Variants in DICER1 observed in about 807,000 individuals in gnomAD.
DICER1 encodes the protein dicer 1, ribonuclease III.
In DICER1, 43 loss-of-function variants were observed where a neutral mutation model predicts 194.1. The ratio of observed to expected loss-of-function variants is 0.22; its 90% CI spans 0.17 to 0.29. DICER1 has a LOEUF of 0.29. DICER1 is among the 10% of genes least tolerant of loss of function. DICER1 has a pLI of 1.00. For synonymous variants in DICER1, 832 were observed against 820.5 expected (o/e 1.01, Z -0.24); for missense variants, 1,608 against 2,317.0 (o/e 0.69, Z 6.28).
Position 95,131,306 on chromosome 14 carries a change from T to A in DICER1, c.438+203A>T, listed in dbSNP as rs1292778367. Among the ~76,000 whole-genome samples, 9 of 152,282 alleles carry A rather than the reference T, an allele frequency of 5.9e-5. No individual in the cohort carries two copies. In the East Asian group the frequency reaches 1.5e-3, roughly 26 times the overall value. On this transcript the variant is annotated intron_variant, in intron 4 of 26. Transcript: ENST00000343455. ...TCCCAAAGTGCTGGGATTACAGACG[T>A]CAGCCACTGCATCCGGCCTTTATTT...
chr14:95,144,937 C>T (rs933249952), intron 1 of DICER1, among the ~76,000 whole-genome samples: 29 of 152,182 alleles, frequency 1.9e-4, no homozygotes, highest in African/African-American at 6.8e-4. Context: ...GATGAATCTG[C>T]ATAAACAAAC....
chr14:95,131,692 C>A, intron 3 of DICER1, 53 bp from the exon 4 acceptor site: 1 of 1,469,112 alleles, frequency 6.8e-7, no homozygotes, highest in Non-Finnish European at 9.5e-7. Flanking sequence ...GCCTAGTTGG[C>A]TCTCTGGACT....
At position 95,107,645 on chromosome 14, in the gene DICER1, T is replaced by G. The variant is rs1357513890; in HGVS notation, c.2767A>C (p.Lys923Gln). The change falls in exon 17 of 27, where the codon AAA becomes CAA. Residue 923 changes from lysine (K) to glutamine (Q), a missense_variant. Physicochemically the swap from Lys to Gln is moderately conservative, Grantham distance 53. Transcript: ENST00000343455. ...KYTKETPFVF[K>Q]LEDYQDAVII... Reference sequence around the variant, plus strand: ...ACGGCATCTTGGTAATCTTCTAATTTAAAAACAAAGGGTGTTTCTTTTGTA... The same window carrying G: ...ACGGCATCTTGGTAATCTTCTAATTGAAAAACAAAGGGTGTTTCTTTTGTA... 6.2e-7 allele frequency: 1 copy of G among 1,613,820 alleles called. No homozygotes were observed. Among genetic ancestry groups the G allele is most frequent in the Non-Finnish European group, 8.5e-7 (1 of 1,179,790 alleles).
chr14:95,155,599 G>T (rs1895800998), intron 1 of DICER1, among the ~76,000 whole-genome samples: 1 of 152,080 alleles, frequency 6.6e-6, no homozygotes, highest in African/African-American at 2.4e-5. Flanking sequence ...CAGCAGAGCA[G>T]TCAGGGCTTA....
chr14:95,105,274 T>TA lies in DICER1; in HGVS notation c.3094-29dup, dbSNP rs1566771756. On this transcript the variant is annotated intron_variant, in intron 19 of 26. Transcript: ENST00000343455. This position sits in a 1 kb window ranked among gnomAD's most constrained non-coding sequence, Gnocchi z 4.9. ...TCAAGTAAGGGGAAAAATGGACAGA[T>TA]AAATACAAAGCGCACACACAAAAGA... 6.3e-7 allele frequency: 1 copy of TA among 1,593,912 alleles called. No homozygotes were observed. The highest frequency in any genetic ancestry group is 8.6e-7 in the Non-Finnish European group (1 of 1,164,422).
intron 21 of DICER1, among the ~76,000 whole-genome samples, chr14:95,102,066 TA>T: frequency 6.6e-6 from 1 of 152,298 alleles, no homozygotes; most frequent in Admixed American, 6.5e-5. Context: ...TTATAAAAAT[TA>T]AATTAGGTTT....
chr14:95,156,743 C>T (rs1895899149), intron 1 of DICER1, among the ~76,000 whole-genome samples: 1 of 152,198 alleles, frequency 6.6e-6, no homozygotes, highest in Admixed American at 6.5e-5. Flanking sequence ...CAGGACCCTC[C>T]CGGGAGGGAC....
intron 14 of DICER1, among the ~76,000 whole-genome samples, chr14:95,110,149 C>A (rs1265463706): frequency 6.6e-6 from 1 of 151,940 alleles, no homozygotes; most frequent in East Asian, 1.9e-4. Flanking sequence ...AAAAACATCA[C>A]CAAATTTCTA....
chr14:95,142,296 G>A (rs772563909), intron 1 of DICER1, among the ~76,000 whole-genome samples: 13 of 152,064 alleles, frequency 8.5e-5, no homozygotes, highest in East Asian at 5.8e-4. Context: ...GTAACATGCT[G>A]TATTGAATAC....
intron 21 of DICER1, among the ~76,000 whole-genome samples, chr14:95,101,114 A>T (rs1292988080): frequency 6.6e-6 from 1 of 152,200 alleles, no homozygotes; most frequent in Admixed American, 6.5e-5. Flanking sequence ...AATATGGGGC[A>T]AAATTCTGGA....
In DICER1 at chr14:95,107,617, A is replaced by G; in HGVS notation, c.2795T>C (p.Ile932Thr). 1 of 1,613,974 alleles carries G rather than the reference A, an allele frequency of 6.2e-7. No individual in the cohort carries two copies. The highest frequency in any genetic ancestry group is 8.5e-7 in the Non-Finnish European group (1 of 1,179,860). The change falls in exon 17 of 27, where the codon ATC (isoleucine) becomes ACC (threonine). Residue 932 changes from isoleucine to threonine, a missense_variant. Transcript: ENST00000343455. Reference sequence around the variant, plus strand: ...CCATTTAAATACCTACCTTGGAATGATAACGGCATCTTGGTAATCTTCTAA... The same window carrying G: ...CCATTTAAATACCTACCTTGGAATGGTAACGGCATCTTGGTAATCTTCTAA... Reference protein sequence around the residue: ...FKLEDYQDAVIIPRYRNFDQP... With the variant: ...FKLEDYQDAVTIPRYRNFDQP...
At chr14:95,148,280 G>C (rs1412607315) in intron 1 of DICER1, among the ~76,000 whole-genome samples, 1 of 152,122 alleles carries the variant, frequency 6.6e-6, no homozygotes, top group African/African-American at 2.4e-5. Context: ...AGGTTGGAGG[G>C]TGGGTCTGAG....
intron 1 of DICER1, among the ~76,000 whole-genome samples, chr14:95,151,880 T>C (rs1330401278): frequency 6.6e-6 from 1 of 152,134 alleles, no homozygotes; most frequent in African/African-American, 2.4e-5. Context: ...GAGGACTAAA[T>C]ACGACTAAAT....
At position 95,105,786 on chromosome 14, in the gene DICER1, G is replaced by GT. The variant is rs1269736856; in HGVS notation, c.2988-4dup. 2 of 1,612,080 alleles carry GT rather than the reference G, an allele frequency of 1.2e-6. No homozygotes were observed. The highest frequency in any genetic ancestry group is 1.1e-5 in the South Asian group (1 of 91,034). On this transcript the variant is annotated splice_region_variant and splice_polypyrimidine_tract_variant and intron_variant, in intron 18 of 26. Transcript: ENST00000343455. This position sits in a 1 kb window ranked among gnomAD's most constrained non-coding sequence, Gnocchi z 4.9. ...GTCGAGGTGTCAAAAGATTAAGTCT[G>GT]TAAGAATTCCAAAACAATTTTATCA...
rs779742174 is a variant in DICER1, at chr14:95,091,199, A to G, written c.5527+4T>C. 2 of 1,614,152 alleles carry G rather than the reference A, an allele frequency of 1.2e-6. No homozygotes were observed. The highest frequency in any genetic ancestry group is 1.1e-5 in the South Asian group (1 of 91,078). On this transcript the variant is annotated splice_donor_region_variant and intron_variant, in intron 25 of 26. Transcript: ENST00000343455. Reference sequence around the variant, plus strand: ...TTTTTCTTTCTAAAGGGAGCCAACAATACCTATTAGTGGCCGCATCATGGG... The same window carrying G: ...TTTTTCTTTCTAAAGGGAGCCAACAGTACCTATTAGTGGCCGCATCATGGG...
At chr14:95,106,756 C>T (rs1891464484) in intron 17 of DICER1, among the ~76,000 whole-genome samples, 1 of 151,960 alleles carries the variant, frequency 6.6e-6, no homozygotes, top group African/African-American at 2.4e-5. Context: ...CCCAAAACTC[C>T]ATTCCCTAAA....
intron 1 of DICER1, among the ~76,000 whole-genome samples, 152 bp downstream of exon 1, chr14:95,157,078 C>G (rs1395180837): frequency 6.6e-6 from 1 of 151,238 alleles, no homozygotes; most frequent in Admixed American, 6.6e-5. Flanking sequence ...ACGAGGCAGG[C>G]GAGGCCGCGC....
intron 8 of DICER1, among the ~76,000 whole-genome samples, chr14:95,118,726 T>C (rs766223885): frequency 1.3e-5 from 2 of 152,114 alleles, no homozygotes; most frequent in Non-Finnish European, 2.9e-5. Context: ...CGATTCCACA[T>C]GGTTTCTCTG....
At chr14:95,136,993 C>T (rs1279251496) in intron 1 of DICER1, among the ~76,000 whole-genome samples, 1 of 151,726 alleles carries the variant, frequency 6.6e-6, no homozygotes, top group Non-Finnish European at 1.5e-5. Flanking sequence ...ATGACACTCT[C>T]TAAATCACTA....
Sources: allele counts gnomAD v4.1 joint callset (sites outside exome capture counted in the v4.1 genomes callset), GRCh38; gene constraint gnomAD v4.1.1; non-coding constraint Gnocchi (gnomAD v3.1); transcripts MANE v1.5; gene names NCBI Gene and HGNC (gene_info 2026-07-23, HGNC 2026-07-21).